The following MAP4K3 variants were observed in gnomAD, a reference collection of about 807,000 sequenced individuals.
The protein encoded by MAP4K3 is mitogen-activated protein kinase kinase kinase kinase 3, also known as MAPK/ERK kinase kinase kinase 3.
Under a neutral mutation model 143.5 loss-of-function variants are expected in MAP4K3, and 94 were observed. That is an observed-to-expected ratio of 0.65 (90% CI 0.55 to 0.78). The LOEUF is 0.78. Ranked by LOEUF, MAP4K3 falls within the 30% of genes least tolerant of loss-of-function variation. The probability of loss-of-function intolerance (pLI) is 0.00; values close to 1 mark genes in which losing one functional copy is unlikely to be tolerated. For missense variants in MAP4K3, 1,077 were observed against 1,068.1 expected (o/e 1.01, Z -0.12); for synonymous variants, 416 against 347.2 (o/e 1.20, Z -2.20).
intron 1 of MAP4K3, among the ~76,000 whole-genome samples, chr2:39,382,146 G>A (rs192001079): frequency 1.4e-3 from 219 of 152,324 alleles, no homozygotes; most frequent in African/African-American, 5.0e-3. Flanking sequence ...GAATTTTTCT[G>A]AGATGATTTC....
chr2:39,387,907 G>C (rs1666552824), intron 1 of MAP4K3, among the ~76,000 whole-genome samples: 2 of 152,178 alleles, frequency 1.3e-5, no homozygotes, highest in African/African-American at 2.4e-5. Context: ...TTTAAAAACA[G>C]ATTGAGGCTA....
intron 3 of MAP4K3, among the ~76,000 whole-genome samples, chr2:39,346,698 T>C (rs148220672): frequency 6.6e-6 from 1 of 152,202 alleles, no homozygotes; most frequent in African/African-American, 2.4e-5. Context: ...GAAGCAGCAA[T>C]TGTAAGAACT....
At position 39,326,229 on chromosome 2, in the gene MAP4K3, T is replaced by C. The variant is rs779806326; in HGVS notation, c.579A>G (p.Gln193=). 77 of 1,613,630 alleles carry C rather than the reference T, an allele frequency of 4.8e-5. No homozygotes were observed. The Middle Eastern group carries it at 4.9e-4, about 10-fold the overall frequency. The change falls in exon 9 of 34, where the codon CAA becomes CAG. Residue 193 remains glutamine, a synonymous_variant. Transcript: ENST00000263881. ...TTCCCACTGCCCAGAGATCACAGAG[T>C]TGATTGTAACCCCCCTTCCTCTCAA... is the stretch of plus-strand genomic sequence containing the variant. The part of the protein sequence containing the change: ...AAVERKGGYN[Q]LCDLWAVGIT...
At chr2:39,417,478 A>G (rs905926596) in intron 1 of MAP4K3, among the ~76,000 whole-genome samples, 5 of 152,016 alleles carry the variant, frequency 3.3e-5, no homozygotes, top group African/African-American at 1.2e-4. Context: ...TCCGTCTCCC[A>G]AAGTGCTGGG....
intron 12 of MAP4K3, among the ~76,000 whole-genome samples, chr2:39,322,614 G>GTGTGTGTT (rs1683346307): frequency 6.8e-6 from 1 of 147,524 alleles, no homozygotes; most frequent in South Asian, 2.1e-4. Context: ...GTGTGTGTGT[G>GTGTGTGTT]TGTATATATG....
At chr2:39,403,460 G>A (rs1667008023) in intron 1 of MAP4K3, among the ~76,000 whole-genome samples, 1 of 152,156 alleles carries the variant, frequency 6.6e-6, no homozygotes, top group Non-Finnish European at 1.5e-5. Flanking sequence ...GAATGTGTGT[G>A]CTTGAGGGAT....
chr2:39,307,946 A>G lies in MAP4K3; in HGVS notation c.1116T>C (p.Asn372=), dbSNP rs139860595. The change falls in exon 15 of 34, where the codon AAT becomes AAC. Residue 372 remains asparagine (N), a synonymous_variant. Transcript: ENST00000263881. The part of the protein sequence containing the change: ...SEEIYYTARS[N]LDLQLEYGQG... ...AAAATCAGAAGATGAGAAATACCAG[A>G]TTAGATCTTGCAGTGTAGTATATTT... The G allele has an allele frequency of 1.3e-6, 2 of 1,563,812 alleles. No individual in the cohort carries two copies.
At chr2:39,284,584 G>A (rs1359301150) in intron 21 of MAP4K3, among the ~76,000 whole-genome samples, 21 of 152,002 alleles carry the variant, frequency 1.4e-4, no homozygotes, top group South Asian at 4.2e-4. Context: ...AGTGGCTCAC[G>A]CCTGTAATCC....
rs764065231 is a variant in MAP4K3, at chr2:39,411,190, G to A, written c.96+25702C>T. Among the ~76,000 whole-genome samples the A allele has an allele frequency of 7.2e-5, 11 of 152,280 alleles. No homozygotes were observed. In the East Asian group the frequency reaches 1.9e-3, roughly 27 times the overall value. On this transcript the variant is annotated intron_variant, in intron 1 of 33. Coordinates refer to ENST00000263881, the MANE Select transcript of MAP4K3 (RefSeq NM_003618.4). ...ATCAGAGAAATGTTTTCTTCTTGGCGTCTATTTTTAGTTAAAACCGTTATT... is the reference window on the plus strand; with the variant it reads ...ATCAGAGAAATGTTTTCTTCTTGGCATCTATTTTTAGTTAAAACCGTTATT...
At chr2:39,366,712 C>T (rs951444525) in intron 2 of MAP4K3, among the ~76,000 whole-genome samples, 2 of 152,170 alleles carry the variant, frequency 1.3e-5, no homozygotes, top group Non-Finnish European at 2.9e-5. Flanking sequence ...AACATTCCAA[C>T]TTCTCTTAAG....
chr2:39,401,262 A>G (rs1666945512), intron 1 of MAP4K3, among the ~76,000 whole-genome samples: 1 of 152,110 alleles, frequency 6.6e-6, no homozygotes. Flanking sequence ...GCTCAATACC[A>G]ATCCCCATAT....
At chr2:39,392,808 C>T (rs376447658) in intron 1 of MAP4K3, among the ~76,000 whole-genome samples, 6 of 152,158 alleles carry the variant, frequency 3.9e-5, no homozygotes, top group East Asian at 1.9e-4. Context: ...CTTGATCTTT[C>T]GCCCTTACTC....
At chr2:39,428,220 G>A (rs1353359973) in intron 1 of MAP4K3, among the ~76,000 whole-genome samples, 3 of 152,040 alleles carry the variant, frequency 2.0e-5, no homozygotes, top group Non-Finnish European at 4.4e-5. Flanking sequence ...TTTTCTTTAG[G>A]ATCTCCTAAA....
chr2:39,393,721 T>C (rs1363809888), intron 1 of MAP4K3, among the ~76,000 whole-genome samples: 1 of 152,118 alleles, frequency 6.6e-6, no homozygotes, highest in East Asian at 1.9e-4. Flanking sequence ...CACTTGACCT[T>C]TGGTATATGC....
At chr2:39,271,440 T>C (rs1681019746) in intron 26 of MAP4K3, among the ~76,000 whole-genome samples, 1 of 152,236 alleles carries the variant, frequency 6.6e-6, no homozygotes. Context: ...AGGCATATTA[T>C]AAAGTTTTTG....
At chr2:39,300,803 G>C (rs1265496239) in intron 15 of MAP4K3, among the ~76,000 whole-genome samples, 1 of 152,178 alleles carries the variant, frequency 6.6e-6, no homozygotes, top group Non-Finnish European at 1.5e-5. Context: ...TTAACACACA[G>C]AGCTGCTCTA....
At position 39,436,123 on chromosome 2, in the gene MAP4K3, G is replaced by C. The variant is rs1207507446; in HGVS notation, c.96+769C>G. Among the ~76,000 whole-genome samples the C allele has an allele frequency of 3.3e-5, 5 of 152,248 alleles. 1 individual carries two copies. Among genetic ancestry groups the C allele is most frequent in the Non-Finnish European group, 1.5e-5 (1 of 68,022 alleles). ...AACTGTGAGGCCAAGAGTTGAGTTG[G>C]CCAGGGAAGAGTGATTTATCTTCCC... is the stretch of plus-strand genomic sequence containing the variant. On this transcript the variant is annotated intron_variant, in intron 1 of 33. Coordinates refer to ENST00000263881, the MANE Select transcript of MAP4K3 (RefSeq NM_003618.4).
chr2:39,290,201 A>G, intron 19 of MAP4K3, 91 bp downstream of exon 19: 1 of 893,438 alleles, frequency 1.1e-6, no homozygotes, highest in Admixed American at 3.1e-5. Flanking sequence ...TTTGTGGATC[A>G]CAAATGAAAA....
intron 23 of MAP4K3, among the ~76,000 whole-genome samples, chr2:39,279,856 G>A (rs1681439452): frequency 6.6e-6 from 1 of 152,160 alleles, no homozygotes; most frequent in Non-Finnish European, 1.5e-5. Context: ...GGGTGGCTGA[G>A]GCAGGGGGAT....
Sources: gnomAD v4.1 joint callset for allele counts (sites outside exome capture counted in the v4.1 genomes callset) on GRCh38, gnomAD v4.1.1 for gene constraint, MANE v1.5 for transcripts, NCBI Gene and HGNC (gene_info 2026-07-23, HGNC 2026-07-21) for gene names.